NFIA: variants seen among roughly 807,000 people sequenced by gnomAD.
NFIA encodes nuclear factor 1 A-type.
A neutral mutation model predicts 62.8 loss-of-function variants in NFIA; 8 were observed. That is an observed-to-expected ratio of 0.13 (90% CI 0.07 to 0.23). The LOEUF (loss-of-function observed/expected upper bound fraction) is 0.23. NFIA is among the 10% of genes least tolerant of loss of function. The pLI, the probability that NFIA is intolerant of heterozygous loss-of-function variation, is 1.00. For synonymous variants in NFIA, 235 were observed against 238.1 expected (o/e 0.99, Z 0.12); for missense variants, 410 against 642.1 (o/e 0.64, Z 3.91).
chr1:61,308,573 A>G (rs1312019369), intron 3 of NFIA, among the ~76,000 whole-genome samples: 2 of 152,162 alleles, frequency 1.3e-5, no homozygotes, highest in African/African-American at 4.8e-5. Context: ...ATAAAGGCAA[A>G]CCATGGTACA....
intron 2 of NFIA, among the ~76,000 whole-genome samples, chr1:61,202,307 GACCTTCACCTTGGTCA>G (rs1381863722): frequency 6.6e-6 from 1 of 152,174 alleles, no homozygotes; most frequent in Non-Finnish European, 1.5e-5. Context: ...ATACAGGCAT[GACCTTCACCTTGGTCA>G]AAATATGTTC....
chr1:61,126,324 CA>C (rs1267829716), intron 2 of NFIA, among the ~76,000 whole-genome samples: 1 of 152,080 alleles, frequency 6.6e-6, no homozygotes, highest in Non-Finnish European at 1.5e-5. Context: ...GATTCGGCCT[CA>C]GGAGGATCAC....
chr1:61,411,859 C>T (rs1344082415), intron 9 of NFIA, among the ~76,000 whole-genome samples: 1 of 151,204 alleles, frequency 6.6e-6, no homozygotes, highest in Non-Finnish European at 1.5e-5. Context: ...GCAGAAGAAC[C>T]AGCCAGTAGA....
chr1:61,394,853 A>C (rs1439839994), intron 7 of NFIA, among the ~76,000 whole-genome samples: 2 of 152,176 alleles, frequency 1.3e-5, no homozygotes, highest in Non-Finnish European at 2.9e-5. Context: ...TCACACCTGT[A>C]ATCCCAACAT....
rs964034160 is a variant in NFIA at position 61,352,255 on chromosome 1, G to T, written c.701-195G>T. On this transcript the variant is annotated intron_variant, in intron 4 of 10. Transcript: ENST00000403491. ...AAGAGAAAAGATGAAAAATATATTA[G>T]AAAAAATATGCCTTTCCTGTATAGA... 2.6e-5 allele frequency among the ~76,000 whole-genome samples: 4 copies of T among 152,208 alleles called. No individual in the cohort carries two copies. The East Asian group carries it at 7.7e-4, about 29-fold the overall frequency.
At chr1:61,373,902 A>G (rs1286221021) in intron 6 of NFIA, among the ~76,000 whole-genome samples, 1 of 152,160 alleles carries the variant, frequency 6.6e-6, no homozygotes, top group Admixed American at 6.6e-5. Flanking sequence ...GTATCATATC[A>G]TAGAGACCAG....
At chr1:61,331,038 C>T (rs1661276193) in intron 3 of NFIA, among the ~76,000 whole-genome samples, 1 of 152,126 alleles carries the variant, frequency 6.6e-6, no homozygotes, top group Admixed American at 6.5e-5. Context: ...TTCTCTTAAT[C>T]TAAGAGACAG....
At chr1:61,350,682 C>G (rs2364467) in intron 4 of NFIA, among the ~76,000 whole-genome samples, 133,545 of 152,210 alleles carry the variant, frequency 0.88, 58,620 homozygotes, top group East Asian at 0.95. Context: ...TTCATAACCT[C>G]ACCTTAACCA....
chr1:61,097,402 A>G (rs1028826510), intron 2 of NFIA, among the ~76,000 whole-genome samples: 1 of 152,220 alleles, frequency 6.6e-6, no homozygotes, highest in Admixed American at 6.5e-5. Context: ...AAAAATTTGT[A>G]TGAATGTCTG....
At chr1:61,167,154 T>A (rs1295116061) in intron 2 of NFIA, among the ~76,000 whole-genome samples, 1 of 151,952 alleles carries the variant, frequency 6.6e-6, no homozygotes, top group Non-Finnish European at 1.5e-5. Context: ...AAAAAAAGAA[T>A]TTACATATTT....
chr1:61,122,189 A>G (rs1307499079), intron 2 of NFIA, among the ~76,000 whole-genome samples: 1 of 152,166 alleles, frequency 6.6e-6, no homozygotes, highest in Non-Finnish European at 1.5e-5. Context: ...CACGAATGGG[A>G]ACATACTGTA....
At chr1:61,365,919 A>G (rs185686683) in intron 6 of NFIA, among the ~76,000 whole-genome samples, 126 of 152,324 alleles carry the variant, frequency 8.3e-4, no homozygotes, top group African/African-American at 2.9e-3. Context: ...GAAAGCAGAC[A>G]GGGTTAAGTG....
At position 61,314,698 on chromosome 1, in the gene NFIA, C is replaced by T. The variant is rs375612349; in HGVS notation, c.626-17814C>T. On this transcript the variant is annotated intron_variant, in intron 3 of 10. Transcript: ENST00000403491. ...TCCATAGGGTTATCCTTGTTGCCCC[C>T]CATAAATTTGACTTGCACTTTCATC... 3.3e-5 allele frequency among the ~76,000 whole-genome samples: 5 copies of T among 152,176 alleles called. No individual in the cohort carries two copies. In the South Asian group the frequency reaches 6.2e-4, roughly 19 times the overall value.
At chr1:61,418,182 G>A (rs1042431789) in intron 9 of NFIA, among the ~76,000 whole-genome samples, 6 of 151,984 alleles carry the variant, frequency 3.9e-5, no homozygotes, top group African/African-American at 7.3e-5. Flanking sequence ...TCCATAATCC[G>A]GCTGGGTGTC....
chr1:61,371,390 T>A lies in NFIA; in HGVS notation c.947-11847T>A, dbSNP rs530038381. 2.0e-5 allele frequency among the ~76,000 whole-genome samples: 3 copies of A among 152,308 alleles called. No homozygotes were observed. The South Asian group carries it at 6.2e-4, about 32-fold the overall frequency. ...TCCTCAAAAGACTTAACTAGCAATT[T>A]TTCTTTTTTTGATGTGCTTGATGTT... On this transcript the variant is annotated intron_variant, in intron 6 of 10. Coordinates refer to ENST00000403491, the MANE Select transcript of NFIA (RefSeq NM_001134673.4).
At chr1:61,390,906 CAG>C (rs768733584) in intron 7 of NFIA, among the ~76,000 whole-genome samples, 7 of 152,180 alleles carry the variant, frequency 4.6e-5, no homozygotes, top group Non-Finnish European at 7.3e-5. Context: ...ATTGAAGAAA[CAG>C]AAAGTTTGAG....
At chr1:61,252,134 T>A (rs1376969070) in intron 2 of NFIA, among the ~76,000 whole-genome samples, 2 of 152,224 alleles carry the variant, frequency 1.3e-5, no homozygotes, top group Non-Finnish European at 2.9e-5. Context: ...ATCCATTCAA[T>A]GTATATTTGG....
At chr1:61,129,568 G>C (rs1011588515) in intron 2 of NFIA, among the ~76,000 whole-genome samples, 1 of 150,804 alleles carries the variant, frequency 6.6e-6, no homozygotes. Context: ...TCATGCCTCA[G>C]CCTCCCGAGT....
chr1:61,347,159 A>G lies in NFIA; in HGVS notation c.701-5291A>G, dbSNP rs1662271550. Among the ~76,000 whole-genome samples the G allele has an allele frequency of 8.0e-5, 10 of 125,418 alleles. No homozygotes were observed. The South Asian group carries it at 2.3e-3, about 29-fold the overall frequency. The allele number at this position is 125,418 out of a possible 152,430, so 82.3% of individuals were successfully genotyped here. ...CTTCCCTATTCAGAAACTGTCCTGGATCCCACTTTTTTTTTTTTTTTTTTT... is the reference window on the plus strand; with the variant it reads ...CTTCCCTATTCAGAAACTGTCCTGGGTCCCACTTTTTTTTTTTTTTTTTTT... On this transcript the variant is annotated intron_variant, in intron 4 of 10. Transcript: ENST00000403491.
Sources: gnomAD v4.1 joint callset for allele counts (sites outside exome capture counted in the v4.1 genomes callset) on GRCh38, gnomAD v4.1.1 for gene constraint, MANE v1.5 for transcripts, NCBI Gene and HGNC (gene_info 2026-07-23, HGNC 2026-07-21) for gene names.